The following TRIM2 variants were observed in gnomAD, a reference collection of about 807,000 sequenced individuals.
TRIM2 encodes the protein tripartite motif containing 2, also known as tripartite motif-containing protein 2.
In TRIM2, 20 loss-of-function variants were observed where a neutral mutation model predicts 75.2. The observed-to-expected ratio is 0.27, with a 90% confidence interval of 0.19 to 0.39. The LOEUF (loss-of-function observed/expected upper bound fraction) is 0.39. Among genes scored for constraint, TRIM2 ranks in the 10% least tolerant of loss-of-function variants. TRIM2 has a pLI of 1.00. For missense variants in TRIM2, 660 were observed against 990.8 expected, an observed-to-expected ratio of 0.67 and a Z score of 4.48; for synonymous variants, 373 against 388.3, an observed-to-expected ratio of 0.96 and a Z score of 0.46.
At chr4:153,300,791 G>A (rs527709382) in intron 6 of TRIM2, among the ~76,000 whole-genome samples, 2 of 151,878 alleles carry the variant, frequency 1.3e-5, no homozygotes, top group Non-Finnish European at 2.9e-5. Context: ...CCAAAGTGCT[G>A]AGATTACATT....
chr4:153,221,104 G>A (rs1739842763), intron 1 of TRIM2, among the ~76,000 whole-genome samples: 1 of 152,280 alleles, frequency 6.6e-6, no homozygotes, highest in South Asian at 2.1e-4. Flanking sequence ...TCTATCAAAT[G>A]TTAAACAGAT....
At chr4:153,237,918 A>C (rs1578806334) in intron 1 of TRIM2, among the ~76,000 whole-genome samples, 2 of 152,064 alleles carry the variant, frequency 1.3e-5, no homozygotes, top group African/African-American at 2.4e-5. Context: ...TGTGACTTAC[A>C]CCTTCGCTAG....
At chr4:153,198,634 C>G (rs988978968) in intron 1 of TRIM2, among the ~76,000 whole-genome samples, 1 of 152,174 alleles carries the variant, frequency 6.6e-6, no homozygotes, top group Non-Finnish European at 1.5e-5. Context: ...TTCCATTCAC[C>G]ATATTTATAT....
chr4:153,236,029 C>T (rs1204493154), intron 1 of TRIM2, among the ~76,000 whole-genome samples: 3 of 152,012 alleles, frequency 2.0e-5, no homozygotes, highest in African/African-American at 4.8e-5. Flanking sequence ...CCATGCTGTA[C>T]TCATGATTGT....
intron 1 of TRIM2, among the ~76,000 whole-genome samples, chr4:153,233,245 C>A (rs573879345): frequency 1.3e-5 from 2 of 151,918 alleles, no homozygotes; most frequent in Non-Finnish European, 2.9e-5. Flanking sequence ...AGAAGAGGGA[C>A]GACTGGGAGA....
chr4:153,273,318 C>A (rs1195699443), intron 2 of TRIM2, among the ~76,000 whole-genome samples: 7 of 130,034 alleles, frequency 5.4e-5, no homozygotes, highest in African/African-American at 1.8e-4. Flanking sequence ...CTCTGCCGCC[C>A]GGGCTGGAGT....
intron 1 of TRIM2, among the ~76,000 whole-genome samples, chr4:153,237,972 A>T (rs2149827807): frequency 6.6e-6 from 1 of 152,210 alleles, no homozygotes; most frequent in East Asian, 1.9e-4. Flanking sequence ...GTGACCTGCC[A>T]TTGTGGGGAG....
intron 1 of TRIM2, among the ~76,000 whole-genome samples, chr4:153,263,311 A>G (rs1754045250): frequency 6.6e-6 from 1 of 152,060 alleles, no homozygotes; most frequent in Non-Finnish European, 1.5e-5. Context: ...CACGGGTGAC[A>G]GAGGGAGACC....
At chr4:153,266,637 G>A (rs1172085302) in intron 1 of TRIM2, among the ~76,000 whole-genome samples, 1 of 135,682 alleles carries the variant, frequency 7.4e-6, no homozygotes, top group South Asian at 2.2e-4. Flanking sequence ...CACTGTGCCC[G>A]ACCTTTTTTT....
chr4:153,259,549 G>A lies in TRIM2; in HGVS notation c.31-10786G>A, dbSNP rs193150532. Among the ~76,000 whole-genome samples the A allele has an allele frequency of 2.0e-5, 3 of 152,296 alleles. No individual in the cohort carries two copies. The East Asian group carries it at 5.8e-4, about 29-fold the overall frequency. ...GAAATACTTTTGAATTTTAAAAAATGTGCTGCCAAATTATTTACTGTCATA... is the reference window on the plus strand; with the variant it reads ...GAAATACTTTTGAATTTTAAAAAATATGCTGCCAAATTATTTACTGTCATA... On this transcript the variant is annotated intron_variant, in intron 1 of 11. Transcript: ENST00000338700.
chr4:153,199,518 G>C (rs1734104832), upstream of TRIM2, among the ~76,000 whole-genome samples: 1 of 152,132 alleles, frequency 6.6e-6, no homozygotes. Context: ...CTTGCTGCCA[G>C]CCTGTGCCTA....
At chr4:153,206,483 G>A (rs982967019) in intron 1 of TRIM2, among the ~76,000 whole-genome samples, 1 of 152,142 alleles carries the variant, frequency 6.6e-6, no homozygotes, top group Admixed American at 6.5e-5. Context: ...CATACAGCCA[G>A]GTGAAGAGAT....
At chr4:153,177,953 C>T (rs1343508347) in intron 1 of TRIM2, among the ~76,000 whole-genome samples, 1 of 152,026 alleles carries the variant, frequency 6.6e-6, no homozygotes, top group Non-Finnish European at 1.5e-5. Context: ...AGGTGCACAC[C>T]ACCACGCCTG....
upstream of TRIM2, among the ~76,000 whole-genome samples, chr4:153,201,609 G>A (rs1262881162): frequency 6.6e-6 from 1 of 152,056 alleles, no homozygotes; most frequent in Non-Finnish European, 1.5e-5. Flanking sequence ...ATAGCTTGAG[G>A]ATGGGAGGTA....
At chr4:153,287,417 A>G (rs987080911) in intron 3 of TRIM2, among the ~76,000 whole-genome samples, 2 of 152,226 alleles carry the variant, frequency 1.3e-5, no homozygotes, top group African/African-American at 4.8e-5. Context: ...ATTTAAATTA[A>G]TTAACTTAAT....
intron 1 of TRIM2, among the ~76,000 whole-genome samples, chr4:153,165,480 GC>G (rs995670818): frequency 4.6e-5 from 7 of 152,042 alleles, no homozygotes; most frequent in African/African-American, 1.7e-4. Flanking sequence ...ACGAACACAT[GC>G]CACCATGCCT....
At chr4:153,221,828 G>GGA (rs1740223352) in intron 1 of TRIM2, among the ~76,000 whole-genome samples, 4 of 68,576 alleles carry the variant, frequency 5.8e-5, no homozygotes, top group Non-Finnish European at 8.0e-5. Flanking sequence ...GGGAGGAAAT[G>GGA]AAGGAAGGAA....
chr4:153,334,788 C>T (rs1443390134), intron 11 of TRIM2, 26 bp from the exon 12 acceptor site: 5 of 1,585,732 alleles, frequency 3.2e-6, no homozygotes, highest in Non-Finnish European at 4.3e-6. Context: ...TCTCCTATAA[C>T]ATTCTGACTT....
chr4:153,159,160 G>A (rs889779551), intron 1 of TRIM2, among the ~76,000 whole-genome samples: 2 of 152,124 alleles, frequency 1.3e-5, no homozygotes, highest in Non-Finnish European at 2.9e-5. Flanking sequence ...AAACGGAACT[G>A]TATCTTACTT....
Sources: allele counts gnomAD v4.1 joint callset (sites outside exome capture counted in the v4.1 genomes callset), GRCh38; gene constraint gnomAD v4.1.1; transcripts MANE v1.5; gene names NCBI Gene and HGNC (gene_info 2026-07-23, HGNC 2026-07-21).